The following FLOT2 variants were observed in gnomAD, a reference collection of about 807,000 sequenced individuals.
The protein encoded by FLOT2 is flotillin 2.
Under a neutral mutation model 54.9 loss-of-function variants are expected in FLOT2, and 35 were observed. The ratio of observed to expected loss-of-function variants is 0.64; its 90% CI spans 0.49 to 0.84. The LOEUF (loss-of-function observed/expected upper bound fraction) is 0.84, where lower values mean the gene tolerates loss of function less well. Among genes scored for constraint, FLOT2 ranks in the 40% least tolerant of loss-of-function variants. FLOT2 has a pLI of 0.00. For synonymous variants in FLOT2, 207 were observed against 228.9 expected, an observed-to-expected ratio of 0.90 and a Z score of 0.86; for missense variants, 464 against 572.1, an observed-to-expected ratio of 0.81 and a Z score of 1.93.
intron 2 of FLOT2, among the ~76,000 whole-genome samples, chr17:28,886,912 G>A (rs976993576): frequency 1.2e-4 from 18 of 152,020 alleles, no homozygotes; most frequent in Admixed American, 9.2e-4. Flanking sequence ...GCCTTCATTC[G>A]AGCCCCTAAC....
At position 28,881,185 on chromosome 17, in the gene FLOT2, G is replaced by C; in HGVS notation, c.1098+7C>G. ...AACCCTAGGACCCGCTTGGGTGGAAGCCTCACCTGGGGCAGGGCCTCTAGC... is the reference window on the plus strand; with the variant it reads ...AACCCTAGGACCCGCTTGGGTGGAACCCTCACCTGGGGCAGGGCCTCTAGC... On this transcript the variant is annotated splice_region_variant and intron_variant, in intron 9 of 10. Transcript: ENST00000394908. The C allele has an allele frequency of 6.2e-7, 1 of 1,611,984 alleles. No homozygotes were observed. Among genetic ancestry groups the C allele is most frequent in the Non-Finnish European group, 8.5e-7 (1 of 1,178,888 alleles).
chr17:28,897,614 C>G lies in FLOT2; in HGVS notation c.-40G>C, dbSNP rs768307181. The G allele has an allele frequency of 2.1e-4, 318 of 1,520,602 alleles. No individual in the cohort carries two copies. The highest frequency in any genetic ancestry group is 2.7e-4 in the Non-Finnish European group (303 of 1,133,700). 94.2% of individuals were successfully genotyped at this position (1,520,602 alleles called of 1,614,324 possible). ...GGAGGGCCCTCGGGACCGCACAGAC[C>G]CGGACAACAGCAGCGGGTCTGCAGC... On this transcript the variant is annotated 5_prime_UTR_variant, in exon 1 of 11. Transcript: ENST00000394908. This position sits in a 1 kb window ranked among gnomAD's most constrained non-coding sequence, Gnocchi z 4.4.
Position 28,882,847 on chromosome 17 carries a change from C to T in FLOT2, c.347-156G>A. 1.5e-6 allele frequency: 1 copy of T among 660,936 alleles called. No individual in the cohort carries two copies. Among genetic ancestry groups the T allele is most frequent in the Non-Finnish European group, 2.6e-6 (1 of 379,724 alleles). The allele number at this position is 660,936 out of a possible 1,614,324, so 40.9% of individuals were successfully genotyped here. A position where few individuals can be genotyped will look rare whatever the true frequency, so the allele number is the denominator to read the frequency against. On this transcript the variant is annotated intron_variant, in intron 4 of 10. Transcript: ENST00000394908. This position sits in a 1 kb window ranked among gnomAD's most constrained non-coding sequence, Gnocchi z 5.6. ...CTCAACAGCACTTAACACCGAGCTT[C>T]CTGCTGCACAGTCCAGGCTGAATGA...
chr17:28,883,230 A>T lies in FLOT2; in HGVS notation c.224T>A (p.Val75Glu). ...GAGTTCCTTCTCCGTCATGATCTTCACCTGTCAGTGACGACAAAGGCGCTT... is the reference window on the plus strand; with the variant it reads ...GAGTTCCTTCTCCGTCATGATCTTCTCCTGTCAGTGACGACAAAGGCGCTT... ...VALTVTGVAQVKIMTEKELLA... is the reference protein window; with the variant it reads ...VALTVTGVAQEKIMTEKELLA... Residue 75 changes from valine (V) to glutamate (E), a missense_variant and splice_region_variant, in exon 4 of 11, where the codon GTG becomes GAG. Physicochemically the swap from Val to Glu is moderately radical, Grantham distance 121. Coordinates refer to ENST00000394908, the MANE Select transcript of FLOT2 (RefSeq NM_004475.3). The surrounding 1 kb of genome is among the most constrained non-coding windows in gnomAD (Gnocchi z 5.0). 1 of 1,611,460 alleles carries T rather than the reference A, an allele frequency of 6.2e-7. No homozygotes were observed. Among genetic ancestry groups the T allele is most frequent in the African/African-American group, 1.3e-5 (1 of 74,900 alleles).
Position 28,882,573 on chromosome 17 carries a change from C to T in FLOT2, c.465G>A (p.Lys155=). ...GATACAGCTTCCCATCACGTCGTAC[C>T]TTGATGGTGAAGCTGAGGATCTCAA... The part of the protein sequence containing the change: ...MGIEILSFTI[K]DVYDKVDYLS... The change falls in exon 5 of 11, where the codon AAG becomes AAA. Residue 155 remains lysine (K), a splice_region_variant and synonymous_variant. Coordinates refer to ENST00000394908, the MANE Select transcript of FLOT2 (RefSeq NM_004475.3). This position sits in a 1 kb window ranked among gnomAD's most constrained non-coding sequence, Gnocchi z 5.6. 2 of 1,607,128 alleles carry T rather than the reference C, an allele frequency of 1.2e-6. No homozygotes were observed. The highest frequency in any genetic ancestry group is 8.5e-7 in the Non-Finnish European group (1 of 1,173,764).
intron 2 of FLOT2, among the ~76,000 whole-genome samples, chr17:28,887,109 G>T (rs540311854): frequency 1.2e-4 from 18 of 152,080 alleles, no homozygotes; most frequent in Non-Finnish European, 1.8e-4. Context: ...AAGAGGGAGA[G>T]AGCCGCCCAT....
At chr17:28,889,067 G>A (rs1339281211) in intron 1 of FLOT2, 41 bp from the exon 2 acceptor site, 2 of 1,568,396 alleles carry the variant, frequency 1.3e-6, no homozygotes, top group African/African-American at 2.7e-5. Context: ...GTCGGTTCTT[G>A]GGTCTGTCTA....
chr17:28,884,413 G>A lies in FLOT2; in HGVS notation c.132-98C>T. 1.4e-6 allele frequency: 1 copy of A among 726,346 alleles called. No homozygotes were observed. Among genetic ancestry groups the A allele is most frequent in the Non-Finnish European group, 2.3e-6 (1 of 426,580 alleles). 45.0% of individuals were successfully genotyped at this position (726,346 alleles called of 1,614,324 possible). A position where few individuals can be genotyped will look rare whatever the true frequency, so the allele number is the denominator to read the frequency against. On this transcript the variant is annotated intron_variant, in intron 2 of 10. Coordinates refer to ENST00000394908, the MANE Select transcript of FLOT2 (RefSeq NM_004475.3). This position sits in a 1 kb window ranked among gnomAD's most constrained non-coding sequence, Gnocchi z 5.1. ...ACCTCACTGCTCCGGCTGGGTCCTG[G>A]TGAGGAAGGTGGAGGGAGGACTCTC... is the stretch of plus-strand genomic sequence containing the variant.
At chr17:28,888,648 G>A (rs1284627075) in intron 2 of FLOT2, among the ~76,000 whole-genome samples, 1 of 152,144 alleles carries the variant, frequency 6.6e-6, no homozygotes, top group Non-Finnish European at 1.5e-5. Flanking sequence ...TTCTGCCTGG[G>A]TTATGACCCT....
rs2039457451 is a variant in FLOT2, at chr17:28,881,940, T to C, written c.788A>G (p.Gln263Arg). 6.2e-7 allele frequency: 1 copy of C among 1,614,096 alleles called. No individual in the cohort carries two copies. Among genetic ancestry groups the C allele is most frequent in the South Asian group, 1.1e-5 (1 of 91,090 alleles). Residue 263 changes from glutamine to arginine, a missense_variant, in exon 8 of 11, where the codon CAG becomes CGG. Gln to Arg is a conservative substitution (Grantham distance 43, BLOSUM62 1). Coordinates refer to ENST00000394908, the MANE Select transcript of FLOT2 (RefSeq NM_004475.3). ...RQEEIEIEVVQRKKQIAVEAQ... is the reference protein window; with the variant it reads ...RQEEIEIEVVRRKKQIAVEAQ... The stretch of plus-strand genomic sequence containing the variant: ...CTCCACGGCAATCTGTTTCTTGCGC[T>C]GCACAACCTCAATCTCAATCTCTTC...
Position 28,897,561 on chromosome 17 carries a change from T to G in FLOT2, c.14A>C (p.His5Pro), listed in dbSNP as rs1390277667. 2.5e-6 allele frequency: 4 copies of G among 1,603,806 alleles called. No individual in the cohort carries two copies. The highest frequency in any genetic ancestry group is 3.4e-6 in the Non-Finnish European group (4 of 1,175,674). The change falls in exon 1 of 11, where the codon CAC becomes CCC. Residue 5 changes from histidine (H) to proline (P), a missense_variant. Physicochemically the swap from His to Pro is moderately conservative, Grantham distance 77. Coordinates refer to ENST00000394908, the MANE Select transcript of FLOT2 (RefSeq NM_004475.3). This position sits in a 1 kb window ranked among gnomAD's most constrained non-coding sequence, Gnocchi z 4.4. ...CAGCGCCTCGTTGGGCCCCACCGTG[T>G]GGCAATTGCCCATGGCGCCGGCGGC... MGNC[H>P]TVGPNEALVV... is the part of the protein sequence containing the mutation.
intron 1 of FLOT2, among the ~76,000 whole-genome samples, chr17:28,892,016 C>T (rs564633745): frequency 7.9e-5 from 12 of 152,246 alleles, no homozygotes; most frequent in South Asian, 2.1e-4. Context: ...AACAGTAAGA[C>T]GGGGTCCTGG....
chr17:28,889,233 T>G (rs2152648965), intron 1 of FLOT2, among the ~76,000 whole-genome samples: 1 of 152,302 alleles, frequency 6.6e-6, no homozygotes, highest in African/African-American at 2.4e-5. Context: ...GACAGGCAAT[T>G]TACATAAAGA....
rs373654878 is a variant in FLOT2, at chr17:28,883,198, C to A, written c.256G>T (p.Val86Leu). The A allele has an allele frequency of 6.2e-7, 1 of 1,614,050 alleles. No individual in the cohort carries two copies. Among genetic ancestry groups the A allele is most frequent in the Non-Finnish European group, 8.5e-7 (1 of 1,179,984 alleles). The change falls in exon 4 of 11, where the codon GTG becomes TTG. Residue 86 changes from valine (V) to leucine (L), a missense_variant. Val to Leu is a conservative substitution (Grantham distance 32, BLOSUM62 1). Transcript: ENST00000394908. This position sits in a 1 kb window ranked among gnomAD's most constrained non-coding sequence, Gnocchi z 5.0. ...KIMTEKELLA[V>L]ACEQFLGKNV... ...TTACCCAGAAACTGCTCACAAGCCA[C>A]GGCCAGGAGTTCCTTCTCCGTCATG...
At chr17:28,888,009 G>A (rs1050366579) in intron 2 of FLOT2, among the ~76,000 whole-genome samples, 3 of 152,210 alleles carry the variant, frequency 2.0e-5, no homozygotes, top group Non-Finnish European at 2.9e-5. Flanking sequence ...TGGTGCAGAC[G>A]TGAGCTGCTG....
rs918216174 is a variant in FLOT2 at position 28,884,407 on chromosome 17, G to C, written c.132-92C>G. Reference sequence around the variant, plus strand: ...GCCAGTACCTCACTGCTCCGGCTGGGTCCTGGTGAGGAAGGTGGAGGGAGG... The same window carrying C: ...GCCAGTACCTCACTGCTCCGGCTGGCTCCTGGTGAGGAAGGTGGAGGGAGG... On this transcript the variant is annotated intron_variant, in intron 2 of 10. Transcript: ENST00000394908. The surrounding 1 kb of genome is among the most constrained non-coding windows in gnomAD (Gnocchi z 5.1). The C allele has an allele frequency of 4.2e-5, 32 of 764,460 alleles. No homozygotes were observed. The highest frequency in any genetic ancestry group is 2.4e-4 in the Middle Eastern group (1 of 4,186). 47.4% of individuals were successfully genotyped at this position (764,460 alleles called of 1,614,324 possible). A position where few individuals can be genotyped will look rare whatever the true frequency, so the allele number is the denominator to read the frequency against.
rs1567929780 is a variant in FLOT2, at chr17:28,882,328, C to T, written c.579+9G>A. 1.9e-6 allele frequency: 3 copies of T among 1,613,896 alleles called. No individual in the cohort carries two copies. The highest frequency in any genetic ancestry group is 1.7e-5 in the Admixed American group (1 of 60,030). ...CACCCCTGAGCTTCCCATCCTTGAA[C>T]CCACATACCCGGATGCCTGCGTCCC... is the stretch of plus-strand genomic sequence containing the variant. On this transcript the variant is annotated intron_variant, in intron 6 of 10. Coordinates refer to ENST00000394908, the MANE Select transcript of FLOT2 (RefSeq NM_004475.3). The surrounding 1 kb of genome is among the most constrained non-coding windows in gnomAD (Gnocchi z 5.6).
intron 1 of FLOT2, among the ~76,000 whole-genome samples, chr17:28,890,349 G>A (rs994190448): frequency 6.6e-6 from 1 of 151,528 alleles, no homozygotes; most frequent in Non-Finnish European, 1.5e-5. Context: ...TGTTCTATAT[G>A]TTCCCTATAC....
chr17:28,884,189 T>C lies in FLOT2; in HGVS notation c.222+36A>G. The stretch of plus-strand genomic sequence containing the variant: ...GAACCCGAGTACGGGACCAGGCAGC[T>C]CAACGGACATGCGCAGGGCTGCTGA... On this transcript the variant is annotated intron_variant, in intron 3 of 10. Transcript: ENST00000394908. This position sits in a 1 kb window ranked among gnomAD's most constrained non-coding sequence, Gnocchi z 5.1. 6.8e-7 allele frequency: 1 copy of C among 1,474,970 alleles called. No individual in the cohort carries two copies. Among genetic ancestry groups the C allele is most frequent in the Non-Finnish European group, 9.5e-7 (1 of 1,053,744 alleles). The allele number at this position is 1,474,970 out of a possible 1,614,324, so 91.4% of individuals were successfully genotyped here.
Sources: gnomAD v4.1 joint callset for allele counts (sites outside exome capture counted in the v4.1 genomes callset) on GRCh38, gnomAD v4.1.1 for gene constraint, Gnocchi (gnomAD v3.1) non-coding constraint, MANE v1.5 for transcripts, NCBI Gene and HGNC (gene_info 2026-07-23, HGNC 2026-07-21) for gene names.